CEBPD: variants seen among roughly 807,000 people sequenced by gnomAD.
CEBPD encodes the protein CCAAT/enhancer-binding protein delta.
For missense variants in CEBPD, 410 were observed against 409.4 expected (o/e 1.00, Z -0.01); for synonymous variants, 227 against 194.8 (o/e 1.17, Z -1.38).
In CEBPD at chr8:47,737,154, G is replaced by C; in HGVS notation, c.*157C>G. On this transcript the variant is annotated 3_prime_UTR_variant, in exon 1 of 1. Transcript: ENST00000408965. ...TAGCTTCTCTCGCAGTTTAGTGGTG[G>C]TAAGTCCAGGCTGTAGCTTCTTTGC... The C allele has an allele frequency of 1.8e-6, 1 of 557,774 alleles. No individual in the cohort carries two copies. The highest frequency in any genetic ancestry group is 3.0e-6 in the Non-Finnish European group (1 of 330,390). The allele number at this position is 557,774 out of a possible 1,614,324, so 34.6% of individuals were successfully genotyped here. A position where few individuals can be genotyped will look rare whatever the true frequency, so the allele number is the denominator to read the frequency against.
rs541685864 is a variant in CEBPD, at chr8:47,737,514, T to C, written c.607A>G (p.Ile203Val). The C allele has an allele frequency of 1.9e-6, 3 of 1,605,450 alleles. No individual in the cohort carries two copies. Among genetic ancestry groups the C allele is most frequent in the African/African-American group, 2.7e-5 (2 of 74,024 alleles). ...TTGTCGCGGCTCTTGCGCACGGCGA[T>C]GTTGTTGCGCTCGCGCCGCTGCCGG... ...EYRQRRERNN[I>V]AVRKSRDKAK... Residue 203 changes from isoleucine (I) to valine (V), a missense_variant, in exon 1 of 1, where the codon ATC becomes GTC. Ile to Val is a conservative substitution (Grantham distance 29). Coordinates refer to ENST00000408965, the MANE Select transcript of CEBPD (RefSeq NM_005195.4).
chr8:47,737,596 G>T lies in CEBPD; in HGVS notation c.525C>A (p.Gly175=). The change falls in exon 1 of 1, where the codon GGC becomes GGA. Residue 175 remains glycine, a synonymous_variant. Transcript: ENST00000408965. ...RSSPRQTPAP[G]PAREKSAGKR... ...TGCCGGCGCTCTTCTCCCGGGCGGG[G>T]CCGGGCGCGGGGGTCTGCCTGGGGC... The T allele has an allele frequency of 6.8e-7, 1 of 1,470,156 alleles. No individual in the cohort carries two copies. The highest frequency in any genetic ancestry group is 1.4e-5 in the South Asian group (1 of 72,380). 91.1% of individuals were successfully genotyped at this position (1,470,156 alleles called of 1,614,324 possible). A position where few individuals can be genotyped will look rare whatever the true frequency, so the allele number is the denominator to read the frequency against.
Position 47,737,812 on chromosome 8 carries a change from G to T in CEBPD, c.309C>A (p.Gly103=). The T allele has an allele frequency of 1.5e-6, 2 of 1,371,852 alleles. No homozygotes were observed. Among genetic ancestry groups the T allele is most frequent in the South Asian group, 1.6e-5 (1 of 62,042 alleles). The allele number at this position is 1,371,852 out of a possible 1,614,324, so 85.0% of individuals were successfully genotyped here. ...CCGGGCCCAAGGGGCGCGCGGGGCC[G>T]CCGGGAAGAAGCTCCAGGGGCCCCG... ...GGAGPLELLP[G]GPARPLGPGP... Residue 103 remains glycine, a synonymous_variant, in exon 1 of 1, where the codon GGC becomes GGA. Transcript: ENST00000408965.
Position 47,737,897 on chromosome 8 carries a change from TC to T in CEBPD, c.223del (p.Glu75SerfsTer73). On this transcript the variant is annotated frameshift_variant, in exon 1 of 1. Transcript: ENST00000408965. LOFTEE classifies it low-confidence loss of function (END_TRUNC). ...GGCGAAGAGCTCGTCGTGGCACAGC[TC>T]CAGGGTGGGCACGGCGGCCATGGAG... is the stretch of plus-strand genomic sequence containing the variant. Reference protein sequence around the residue: ...IDSMAAVPTLELCHDELFADL... With the variant: ...IDSMAAVPTLXLCHDELFADL... The T allele has an allele frequency of 6.6e-7, 1 of 1,511,724 alleles. No homozygotes were observed. Among genetic ancestry groups the T allele is most frequent in the Non-Finnish European group, 8.9e-7 (1 of 1,125,662 alleles). The allele number at this position is 1,511,724 out of a possible 1,614,324, so 93.6% of individuals were successfully genotyped here. A position where few individuals can be genotyped will look rare whatever the true frequency, so the allele number is the denominator to read the frequency against.
Position 47,737,782 on chromosome 8 carries a change from A to AGGGCCC in CEBPD, c.333_338dup (p.Gly112_Pro113dup). ...CGCGCTTGAGCAGGCGGGGAGCGGC[A>AGGGCCC]GGGCCCGGGCCCAAGGGGCGCGCGG... On this transcript the variant is annotated inframe_insertion, in exon 1 of 1. Coordinates refer to ENST00000408965, the MANE Select transcript of CEBPD (RefSeq NM_005195.4). The AGGGCCC allele has an allele frequency of 7.8e-7, 1 of 1,288,262 alleles. No homozygotes were observed. Among genetic ancestry groups the AGGGCCC allele is most frequent in the Non-Finnish European group, 9.8e-7 (1 of 1,021,152 alleles). 79.8% of individuals were successfully genotyped at this position (1,288,262 alleles called of 1,614,324 possible).
At position 47,737,331 on chromosome 8, in the gene CEBPD, C is replaced by G; in HGVS notation, c.790G>C (p.Gly264Arg). The change falls in exon 1 of 1, where the codon GGG (glycine) becomes CGG (arginine). Residue 264 changes from glycine (G) to arginine (R), a missense_variant. Transcript: ENST00000408965. ...LPSPPFLPAA[G>R]TADCR Reference sequence around the variant, plus strand: ...GCGCGTTACCGGCAGTCTGCTGTCCCGGCGGCCGGCAGGAAGGGCGGGCTG... The same window carrying G: ...GCGCGTTACCGGCAGTCTGCTGTCCGGGCGGCCGGCAGGAAGGGCGGGCTG... The G allele has an allele frequency of 6.3e-7, 1 of 1,594,820 alleles. No homozygotes were observed. The highest frequency in any genetic ancestry group is 2.3e-5 in the East Asian group (1 of 43,174).
At position 47,737,725 on chromosome 8, in the gene CEBPD, G is replaced by A. The variant is rs903482932; in HGVS notation, c.396C>T (p.Gly132=). The change falls in exon 1 of 1, where the codon GGC becomes GGT. Residue 132 remains glycine (G), a synonymous_variant. Coordinates refer to ENST00000408965, the MANE Select transcript of CEBPD (RefSeq NM_005195.4). Reference sequence around the variant, plus strand: ...CGGCCACCTGCGCGGGCAACAGCGAGCCGGGCGCGTCGCCGTCGCCCCAGT... The same window carrying A: ...CGGCCACCTGCGCGGGCAACAGCGAACCGGGCGCGTCGCCGTCGCCCCAGT... The part of the protein sequence containing the change: ...EPDWGDGDAP[G]SLLPAQVAAC... 3 of 1,213,076 alleles carry A rather than the reference G, an allele frequency of 2.5e-6. No individual in the cohort carries two copies. The African/African-American group carries it at 4.8e-5, about 19-fold the overall frequency. The allele number at this position is 1,213,076 out of a possible 1,614,324, so 75.1% of individuals were successfully genotyped here.
In CEBPD at chr8:47,737,049, GTACCT is replaced by G; in HGVS notation, c.*257_*261del. On this transcript the variant is annotated 3_prime_UTR_variant, in exon 1 of 1. Coordinates refer to ENST00000408965, the MANE Select transcript of CEBPD (RefSeq NM_005195.4). ...TCTGGTTTTTTTTCTTTTTACAAAT[GTACCT>G]TAGCTGCATCAACAGGAGTAAGATG... The G allele has an allele frequency of 2.4e-6, 1 of 409,688 alleles. No individual in the cohort carries two copies. Among genetic ancestry groups the G allele is most frequent in the Non-Finnish European group, 4.3e-6 (1 of 232,146 alleles). 25.4% of individuals were successfully genotyped at this position (409,688 alleles called of 1,614,324 possible). A position where few individuals can be genotyped will look rare whatever the true frequency, so the allele number is the denominator to read the frequency against.
Position 47,737,614 on chromosome 8 carries a change from C to T in CEBPD, c.507G>A (p.Arg169=). Residue 169 remains arginine, a synonymous_variant, in exon 1 of 1, where the codon AGG becomes AGA. Coordinates refer to ENST00000408965, the MANE Select transcript of CEBPD (RefSeq NM_005195.4). ...TSPEPPRSSP[R]QTPAPGPARE... Reference sequence around the variant, plus strand: ...GGGCGGGGCCGGGCGCGGGGGTCTGCCTGGGGCTGCTGCGCGGCGGCTCCG... The same window carrying T: ...GGGCGGGGCCGGGCGCGGGGGTCTGTCTGGGGCTGCTGCGCGGCGGCTCCG... 7.5e-7 allele frequency: 1 copy of T among 1,341,022 alleles called. No homozygotes were observed. Among genetic ancestry groups the T allele is most frequent in the Non-Finnish European group, 9.5e-7 (1 of 1,052,266 alleles). The allele number at this position is 1,341,022 out of a possible 1,614,324, so 83.1% of individuals were successfully genotyped here.
Position 47,737,790 on chromosome 8 carries a change from G to A in CEBPD, c.331C>T (p.Pro111Ser), listed in dbSNP as rs1260286682. ...AGCAGGCGGGGAGCGGCAGGGCCCGGGCCCAAGGGGCGCGCGGGGCCGCCG... is the reference window on the plus strand; with the variant it reads ...AGCAGGCGGGGAGCGGCAGGGCCCGAGCCCAAGGGGCGCGCGGGGCCGCCG... ...LPGGPARPLG[P>S]GPAAPRLLKR... The change falls in exon 1 of 1, where the codon CCG becomes TCG. Residue 111 changes from proline to serine, a missense_variant. Physicochemically the swap from Pro to Ser is moderately conservative, Grantham distance 74 (BLOSUM62 -1). Coordinates refer to ENST00000408965, the MANE Select transcript of CEBPD (RefSeq NM_005195.4). The A allele has an allele frequency of 7.5e-7, 1 of 1,329,996 alleles. No individual in the cohort carries two copies. The highest frequency in any genetic ancestry group is 1.5e-5 in the African/African-American group (1 of 64,802). The allele number at this position is 1,329,996 out of a possible 1,614,324, so 82.4% of individuals were successfully genotyped here.
Position 47,737,663 on chromosome 8 carries a change from C to A in CEBPD, c.458G>T (p.Gly153Val), listed in dbSNP as rs2086277372. ...CGGCGACGTGGGCGGGGTGGGCTGC[C>A]CTGCGGCCGCCAAGCTCACCACGGT... ...AQTVVSLAAA[G>V]QPTPPTSPEP... The change falls in exon 1 of 1, where the codon GGG becomes GTG. Residue 153 changes from glycine to valine, a missense_variant. Physicochemically the swap from Gly to Val is moderately radical, Grantham distance 109 (BLOSUM62 -3). Transcript: ENST00000408965. 3 of 1,247,922 alleles carry A rather than the reference C, an allele frequency of 2.4e-6. No homozygotes were observed. 77.3% of individuals were successfully genotyped at this position (1,247,922 alleles called of 1,614,324 possible).
In CEBPD at chr8:47,737,232, A is replaced by C; in HGVS notation, c.*79T>G. ...GGCACCCGGCGGCTCTGGCTGCGCC[A>C]GGGCAGGGCGCGCTCCGCTCCGGGC... On this transcript the variant is annotated 3_prime_UTR_variant, in exon 1 of 1. Transcript: ENST00000408965. 1 of 1,342,138 alleles carries C rather than the reference A, an allele frequency of 7.5e-7. No individual in the cohort carries two copies. Among genetic ancestry groups the C allele is most frequent in the Non-Finnish European group, 9.9e-7 (1 of 1,009,628 alleles). The allele number at this position is 1,342,138 out of a possible 1,614,324, so 83.1% of individuals were successfully genotyped here.
chr8:47,737,824 C>G lies in CEBPD; in HGVS notation c.297G>C (p.Glu99Asp). 1 of 1,426,952 alleles carries G rather than the reference C, an allele frequency of 7.0e-7. No homozygotes were observed. Among genetic ancestry groups the G allele is most frequent in the Non-Finnish European group, 9.2e-7 (1 of 1,089,200 alleles). The allele number at this position is 1,426,952 out of a possible 1,614,324, so 88.4% of individuals were successfully genotyped here. Reference sequence around the variant, plus strand: ...GGCGCGCGGGGCCGCCGGGAAGAAGCTCCAGGGGCCCCGCGCCGCCCGCCT... The same window carrying G: ...GGCGCGCGGGGCCGCCGGGAAGAAGGTCCAGGGGCCCCGCGCCGCCCGCCT... ...NHKAGGAGPL[E>D]LLPGGPARPL... The change falls in exon 1 of 1, where the codon GAG becomes GAC. Residue 99 changes from glutamate to aspartate, a missense_variant. Physicochemically the swap from Glu to Asp is conservative, Grantham distance 45. Coordinates refer to ENST00000408965, the MANE Select transcript of CEBPD (RefSeq NM_005195.4).
rs917551401 is a variant in CEBPD at position 47,738,095 on chromosome 8, T to C, written c.26A>G (p.Asp9Gly). The C allele has an allele frequency of 2.7e-5, 32 of 1,186,994 alleles. No homozygotes were observed. The highest frequency in any genetic ancestry group is 1.2e-5 in the Non-Finnish European group (12 of 960,328). The allele number at this position is 1,186,994 out of a possible 1,614,324, so 73.5% of individuals were successfully genotyped here. Residue 9 changes from aspartate (D) to glycine (G), a missense_variant, in exon 1 of 1, where the codon GAC (aspartate) becomes GGC (glycine). Physicochemically the swap from Asp to Gly is moderately conservative, Grantham distance 94. Coordinates refer to ENST00000408965, the MANE Select transcript of CEBPD (RefSeq NM_005195.4). The surrounding 1 kb of genome is among the most constrained non-coding windows in gnomAD (Gnocchi z 4.1). MSAALFSL[D>G]GPARGAPWPA... is the part of the protein sequence containing the mutation. ...CCAGGGCGCGCCGCGCGCCGGGCCG[T>C]CCAGGCTGAAGAGCGCGGCGCTCAT...
In CEBPD at chr8:47,737,791, GC is replaced by G; in HGVS notation, c.329del (p.Gly110AlafsTer38). Reference protein sequence around the residue: ...LLPGGPARPLGPGPAAPRLLK... With the variant: ...LLPGGPARPLXPGPAAPRLLK... ...GCAGGCGGGGAGCGGCAGGGCCCGGGCCCAAGGGGCGCGCGGGGCCGCCGGG... is the reference window on the plus strand; with the variant it reads ...GCAGGCGGGGAGCGGCAGGGCCCGGGCCAAGGGGCGCGCGGGGCCGCCGGG... On this transcript the variant is annotated frameshift_variant, in exon 1 of 1. Transcript: ENST00000408965. LOFTEE classifies it low-confidence loss of function (END_TRUNC). 1 of 1,333,320 alleles carries G rather than the reference GC, an allele frequency of 7.5e-7. No individual in the cohort carries two copies. Among genetic ancestry groups the G allele is most frequent in the Non-Finnish European group, 9.6e-7 (1 of 1,045,070 alleles). 82.6% of individuals were successfully genotyped at this position (1,333,320 alleles called of 1,614,324 possible).
rs1187740084 is a variant in CEBPD at position 47,737,971 on chromosome 8, G to A, written c.150C>T (p.Pro50=). 7 of 1,475,086 alleles carry A rather than the reference G, an allele frequency of 4.7e-6. No homozygotes were observed. Among genetic ancestry groups the A allele is most frequent in the East Asian group, 2.8e-5 (1 of 35,942 alleles). 91.4% of individuals were successfully genotyped at this position (1,475,086 alleles called of 1,614,324 possible). The change falls in exon 1 of 1, where the codon CCC becomes CCT. Residue 50 remains proline, a synonymous_variant. Coordinates refer to ENST00000408965, the MANE Select transcript of CEBPD (RefSeq NM_005195.4). ...GALGEPGAAA[P]AMYDDESAID... Reference sequence around the variant, plus strand: ...TGGCGCTCTCGTCGTCGTACATGGCGGGGGCGGCGGCGCCTGGCTCGCCTA... The same window carrying A: ...TGGCGCTCTCGTCGTCGTACATGGCAGGGGCGGCGGCGCCTGGCTCGCCTA...
rs748150916 is a variant in CEBPD at position 47,738,001 on chromosome 8, C to G, written c.120G>C (p.Gly40=). 12 of 1,402,392 alleles carry G rather than the reference C, an allele frequency of 8.6e-6. No individual in the cohort carries two copies. Among genetic ancestry groups the G allele is most frequent in the Non-Finnish European group, 1.1e-5 (12 of 1,074,102 alleles). 86.9% of individuals were successfully genotyped at this position (1,402,392 alleles called of 1,614,324 possible). A position where few individuals can be genotyped will look rare whatever the true frequency, so the allele number is the denominator to read the frequency against. The change falls in exon 1 of 1, where the codon GGG becomes GGC. Residue 40 remains glycine (G), a synonymous_variant. Transcript: ENST00000408965. This position sits in a 1 kb window ranked among gnomAD's most constrained non-coding sequence, Gnocchi z 4.1. ...AGKPGRGAEP[G]ALGEPGAAAP... ...CGGCGGCGCCTGGCTCGCCTAGGGC[C>G]CCTGGCTCGGCCCCGCGGCCCGGCT... is the stretch of plus-strand genomic sequence containing the variant.
chr8:47,737,550 T>C lies in CEBPD; in HGVS notation c.571A>G (p.Ser191Gly), dbSNP rs759423146. ...TCGCGCCGCTGCCGGTACTCGGGGC[T>C]GCCGCGGTCCGGGCCCCTCTTGCCG... Reference protein sequence around the residue: ...SAGKRGPDRGSPEYRQRRERN... With the variant: ...SAGKRGPDRGGPEYRQRRERN... Residue 191 changes from serine to glycine, a missense_variant, in exon 1 of 1, where the codon AGC becomes GGC. By Grantham distance (56) the Ser-to-Gly change is moderately conservative. Transcript: ENST00000408965. 2 of 1,596,294 alleles carry C rather than the reference T, an allele frequency of 1.3e-6. No individual in the cohort carries two copies. Among genetic ancestry groups the C allele is most frequent in the Non-Finnish European group, 1.7e-6 (2 of 1,174,248 alleles).
In CEBPD at chr8:47,737,028, GTTTT is replaced by G; in HGVS notation, c.*279_*282del. ...ACAAAGGGTTTGTCTGAAAAGTCTG[GTTTT>G]TTTTCTTTTTACAAATGTACCTTAG... On this transcript the variant is annotated 3_prime_UTR_variant, in exon 1 of 1. Transcript: ENST00000408965. The G allele has an allele frequency of 5.2e-6, 2 of 387,710 alleles. No homozygotes were observed. Among genetic ancestry groups the G allele is most frequent in the Non-Finnish European group, 9.1e-6 (2 of 218,878 alleles). The allele number at this position is 387,710 out of a possible 1,614,324, so 24.0% of individuals were successfully genotyped here.
Sources: allele counts gnomAD v4.1 joint callset, GRCh38; gene constraint gnomAD v4.1.1; non-coding constraint Gnocchi (gnomAD v3.1); transcripts MANE v1.5; gene names NCBI Gene and HGNC (gene_info 2026-07-23, HGNC 2026-07-21).